MS4A4A: variants seen among roughly 807,000 people sequenced by gnomAD.
MS4A4A encodes the protein membrane spanning 4-domains A4A, also known as membrane-spanning 4-domains subfamily A member 4A.
MS4A4A carries 26 observed loss-of-function variants against 28.0 expected under a neutral mutation model. That is an observed-to-expected ratio of 0.93 (90% CI 0.68 to 1.29). MS4A4A has a LOEUF of 1.29. MS4A4A is among the 50% of genes most tolerant of loss of function. The pLI is 0.00. For synonymous variants in MS4A4A, 86 were observed against 100.8 expected (o/e 0.85, Z 0.88); for missense variants, 290 against 293.1 (o/e 0.99, Z 0.08).
chr11:60,285,920 G>C (rs1267277022), intron 1 of MS4A4A, among the ~76,000 whole-genome samples: 2 of 152,270 alleles, frequency 1.3e-5, no homozygotes, highest in South Asian at 4.1e-4. Context: ...AATTCACCAG[G>C]CTGGAATTTC....
At chr11:60,290,053 G>A (rs957150335) in intron 1 of MS4A4A, 3 of 440,256 alleles carry the variant, frequency 6.8e-6, no homozygotes, top group African/African-American at 4.0e-5. Flanking sequence ...TTGCAGGCTT[G>A]TATCAAGGAT....
chr11:60,301,877 T>A (rs2084956007), intron 4 of MS4A4A, among the ~76,000 whole-genome samples: 1 of 152,214 alleles, frequency 6.6e-6, no homozygotes. Flanking sequence ...CTTCTCAGGT[T>A]CAAGTGATTC....
intron 2 of MS4A4A, chr11:60,296,915 T>C (rs1258556137): frequency 8.8e-6 from 3 of 341,552 alleles, no homozygotes; most frequent in African/African-American, 6.6e-5. Flanking sequence ...ATAATTGTGG[T>C]AGAAGTAACA....
At chr11:60,297,499 A>G (rs2084916654) in intron 3 of MS4A4A, among the ~76,000 whole-genome samples, 174 bp downstream of exon 3, 1 of 152,188 alleles carries the variant, frequency 6.6e-6, no homozygotes. Flanking sequence ...ATATAGTATT[A>G]TATTAAATCT....
At chr11:60,291,839 CCTTTGTGGGTAAGTGGCTGTAAT>C (rs1014629394) in intron 1 of MS4A4A, among the ~76,000 whole-genome samples, 37 of 150,802 alleles carry the variant, frequency 2.5e-4, no homozygotes, top group African/African-American at 8.3e-4. Context: ...ACAAAGTAAT[CCTTTGTGGGTAAGTGGCTGTAAT>C]CAAGGGATTA....
intron 2 of MS4A4A, among the ~76,000 whole-genome samples, chr11:60,293,890 T>C (rs996832600): frequency 5.9e-5 from 9 of 152,240 alleles, no homozygotes; most frequent in Non-Finnish European, 1.2e-4. Flanking sequence ...TCTTGATGGC[T>C]TCCCAACTTT....
intron 1 of MS4A4A, chr11:60,282,647 G>A (rs2084764956): frequency 4.7e-6 from 6 of 1,286,420 alleles, no homozygotes; most frequent in African/African-American, 1.5e-5. Context: ...ATATGCAGAT[G>A]TCTCAATATA....
chr11:60,297,039 G>T, intron 2 of MS4A4A, 158 bp from the exon 3 acceptor site: 1 of 826,122 alleles, frequency 1.2e-6, no homozygotes, highest in Non-Finnish European at 1.9e-6. Context: ...TTACATTCAC[G>T]GTTATTTATG....
chr11:60,305,909 A>G, intron 5 of MS4A4A, 191 bp from the exon 6 acceptor site: 1 of 576,436 alleles, frequency 1.7e-6, no homozygotes, highest in South Asian at 2.4e-5. Context: ...GTCTGTGATT[A>G]TTTTATCAGT....
intron 1 of MS4A4A, among the ~76,000 whole-genome samples, chr11:60,286,276 C>T (rs1013309305): frequency 3.3e-5 from 5 of 152,206 alleles, no homozygotes; most frequent in Non-Finnish European, 5.9e-5. Flanking sequence ...GTGCAGTTAA[C>T]GCAAGCATCA....
At chr11:60,281,255 G>T (rs1436789767) in intron 1 of MS4A4A, among the ~76,000 whole-genome samples, 22 of 152,102 alleles carry the variant, frequency 1.4e-4, no homozygotes, top group Admixed American at 1.1e-3. Context: ...TATTCATGGG[G>T]CACCCAGGCA....
intron 6 of MS4A4A, 134 bp from the exon 7 acceptor site, chr11:60,307,970 ACCC>A (rs2085019516): frequency 1.3e-6 from 1 of 779,566 alleles, no homozygotes; most frequent in Non-Finnish European, 2.2e-6. Flanking sequence ...TGACTGAGAA[ACCC>A]CACATACTTG....
chr11:60,290,904 C>T (rs929965461), intron 1 of MS4A4A, among the ~76,000 whole-genome samples: 1 of 151,944 alleles, frequency 6.6e-6, no homozygotes, highest in Non-Finnish European at 1.5e-5. Flanking sequence ...ATTTGGAGTA[C>T]AACAATTTTT....
At chr11:60,305,834 T>G (rs1377670064) in intron 5 of MS4A4A, 3 of 403,236 alleles carry the variant, frequency 7.4e-6, no homozygotes, top group Admixed American at 8.2e-5. Flanking sequence ...CTTCCTAACT[T>G]TTTAAAGCAC....
chr11:60,299,864 A>G (rs940764057), intron 3 of MS4A4A, among the ~76,000 whole-genome samples: 1 of 152,072 alleles, frequency 6.6e-6, no homozygotes, highest in Non-Finnish European at 1.5e-5. Flanking sequence ...AGCAATAAGC[A>G]TGTAATTTTT....
intron 5 of MS4A4A, chr11:60,305,883 G>C (rs1267345735): frequency 3.6e-6 from 2 of 549,922 alleles, no homozygotes; most frequent in African/African-American, 3.8e-5. Flanking sequence ...GGGAGGTGCT[G>C]AACTAGGGAA....
At chr11:60,281,436 G>A (rs2084754677) in intron 1 of MS4A4A, among the ~76,000 whole-genome samples, 2 of 152,046 alleles carry the variant, frequency 1.3e-5, no homozygotes, top group African/African-American at 4.8e-5. Context: ...AATCACACAA[G>A]TTAACAAAAG....
intron 1 of MS4A4A, among the ~76,000 whole-genome samples, chr11:60,285,115 T>C (rs1179654377): frequency 6.6e-6 from 1 of 151,966 alleles, no homozygotes; most frequent in African/African-American, 2.4e-5. Flanking sequence ...TGGCAAGAAC[T>C]CAACGTAACA....
At position 60,308,179 on chromosome 11, in the gene MS4A4A, G is replaced by A; in HGVS notation, c.*1G>A. 6.2e-7 allele frequency: 1 copy of A among 1,613,462 alleles called. No individual in the cohort carries two copies. The highest frequency in any genetic ancestry group is 8.5e-7 in the Non-Finnish European group (1 of 1,179,500). On this transcript the variant is annotated 3_prime_UTR_variant, in exon 7 of 7. Transcript: ENST00000337908. ...TCCCACACCACTTAATGAGGTTTGA[G>A]GCCACCAAAAGATCAACAGACAAAT... is the stretch of plus-strand genomic sequence containing the variant.
Sources: allele counts gnomAD v4.1 joint callset (sites outside exome capture counted in the v4.1 genomes callset), GRCh38; gene constraint gnomAD v4.1.1; transcripts MANE v1.5; gene names NCBI Gene and HGNC (gene_info 2026-07-23, HGNC 2026-07-21).